Variants in TMEM117 observed in about 807,000 individuals in gnomAD.
TMEM117 encodes transmembrane protein 117.
In TMEM117, 27 loss-of-function variants were observed where a neutral mutation model predicts 52.4. The observed-to-expected ratio is 0.51, with a 90% confidence interval of 0.38 to 0.71. The LOEUF is 0.71. TMEM117 is among the 30% of genes least tolerant of loss of function. The pLI is 0.00. For missense variants in TMEM117, 556 were observed against 630.5 expected, an observed-to-expected ratio of 0.88 and a Z score of 1.26; for synonymous variants, 215 against 206.3, an observed-to-expected ratio of 1.04 and a Z score of -0.36.
At chr12:44,324,310 T>G (rs1951169585) in intron 6 of TMEM117, among the ~76,000 whole-genome samples, 1 of 152,114 alleles carries the variant, frequency 6.6e-6, no homozygotes, top group Non-Finnish European at 1.5e-5. Context: ...TTAGTAGTAC[T>G]ATTTTCACCA....
intron 4 of TMEM117, among the ~76,000 whole-genome samples, chr12:44,205,907 T>C (rs1472459650): frequency 1.3e-5 from 2 of 152,182 alleles, no homozygotes; most frequent in East Asian, 3.9e-4. Flanking sequence ...ATCCCATTAC[T>C]GGGCATATGC....
intron 4 of TMEM117, among the ~76,000 whole-genome samples, chr12:44,146,497 C>T (rs1019327169): frequency 6.6e-6 from 1 of 152,106 alleles, no homozygotes; most frequent in Non-Finnish European, 1.5e-5. Context: ...TTATATGAAA[C>T]ATTGACCTTT....
At position 43,947,321 on chromosome 12, in the gene TMEM117, C is replaced by T. The variant is rs999729590; in HGVS notation, c.410+2979C>T. On this transcript the variant is annotated intron_variant, in intron 3 of 7. Transcript: ENST00000266534. ...CTGCACTCCAGCCTGGGTGAAACAA[C>T]AAGACTCTGCCTCTAAAAAGAAAAA... Among the ~76,000 whole-genome samples, 4 of 152,018 alleles carry T rather than the reference C, an allele frequency of 2.6e-5. No individual in the cohort carries two copies. The East Asian group carries it at 5.8e-4, about 22-fold the overall frequency.
chr12:43,926,684 G>A (rs1944783437), intron 2 of TMEM117, among the ~76,000 whole-genome samples: 1 of 152,062 alleles, frequency 6.6e-6, no homozygotes, highest in South Asian at 2.1e-4. Context: ...ATATTTTTTA[G>A]TAATAGAATA....
At chr12:44,096,322 C>G (rs1947761140) in intron 3 of TMEM117, among the ~76,000 whole-genome samples, 1 of 152,068 alleles carries the variant, frequency 6.6e-6, no homozygotes, top group Non-Finnish European at 1.5e-5. Flanking sequence ...CCATCCCCAT[C>G]AAGCTACCAA....
intron 2 of TMEM117, among the ~76,000 whole-genome samples, chr12:43,936,388 C>T (rs1026357749): frequency 6.6e-6 from 1 of 151,998 alleles, no homozygotes; most frequent in Non-Finnish European, 1.5e-5. Flanking sequence ...GGGATTTTGG[C>T]TTTGTTTTTG....
intron 4 of TMEM117, among the ~76,000 whole-genome samples, chr12:44,189,552 C>T (rs766069371): frequency 6.6e-6 from 1 of 152,118 alleles, no homozygotes; most frequent in Non-Finnish European, 1.5e-5. Flanking sequence ...AAGGAGATGA[C>T]AGCATGCTAC....
At chr12:44,285,805 T>C (rs1030360878) in intron 5 of TMEM117, among the ~76,000 whole-genome samples, 1 of 152,232 alleles carries the variant, frequency 6.6e-6, no homozygotes, top group Non-Finnish European at 1.5e-5. Flanking sequence ...TTCAGTGTGC[T>C]GGTACTTAGT....
chr12:43,998,805 T>C (rs1946071617), intron 3 of TMEM117, among the ~76,000 whole-genome samples: 1 of 152,200 alleles, frequency 6.6e-6, no homozygotes, highest in African/African-American at 2.4e-5. Flanking sequence ...TAAGAGAAGA[T>C]ATTTGCAGTA....
chr12:44,202,468 C>G (rs1252235979), intron 4 of TMEM117, among the ~76,000 whole-genome samples: 1 of 152,064 alleles, frequency 6.6e-6, no homozygotes, highest in Non-Finnish European at 1.5e-5. Flanking sequence ...ATATAATGAA[C>G]CAAACTTGCA....
intron 3 of TMEM117, among the ~76,000 whole-genome samples, chr12:44,098,641 T>A (rs1049494268): frequency 7.2e-5 from 11 of 152,068 alleles, no homozygotes; most frequent in African/African-American, 2.4e-4. Context: ...CTTAGACTTC[T>A]GCCAAAGTCA....
At chr12:44,092,986 T>G (rs1947699422) in intron 3 of TMEM117, among the ~76,000 whole-genome samples, 1 of 152,282 alleles carries the variant, frequency 6.6e-6, no homozygotes, top group East Asian at 1.9e-4. Flanking sequence ...AAAAATTCCC[T>G]TGAAGCAGTG....
chr12:44,345,166 G>A (rs754411209), intron 6 of TMEM117, among the ~76,000 whole-genome samples: 1 of 152,032 alleles, frequency 6.6e-6, no homozygotes, highest in African/African-American at 2.4e-5. Flanking sequence ...ATAACATGGT[G>A]GAAAGGGGGT....
chr12:44,254,829 A>C (rs12314470), intron 5 of TMEM117, among the ~76,000 whole-genome samples: 40,883 of 151,036 alleles, frequency 0.27, 10,141 homozygotes, highest in African/African-American at 0.66. Flanking sequence ...CCACAACAGT[A>C]CCCGGAGTGT....
chr12:43,804,633 A>G, the TMEM117 span: 1 of 1,186,498 alleles, frequency 8.4e-7, no homozygotes, highest in Non-Finnish European at 1.2e-6. Flanking sequence ...TTTCCTATCT[A>G]TATTGGAAAA....
At chr12:43,880,400 T>TA (rs1457068935) in intron 2 of TMEM117, among the ~76,000 whole-genome samples, 1 of 152,184 alleles carries the variant, frequency 6.6e-6, no homozygotes, top group African/African-American at 2.4e-5. Flanking sequence ...ATTCCTTTTT[T>TA]TTTTCCTGTG....
At chr12:44,349,148 G>A (rs530400378) in intron 6 of TMEM117, among the ~76,000 whole-genome samples, 3 of 152,104 alleles carry the variant, frequency 2.0e-5, no homozygotes, top group Admixed American at 6.6e-5. Flanking sequence ...ACTATAGACT[G>A]TTATCAATGA....
At chr12:44,017,625 A>G (rs1946393430) in intron 3 of TMEM117, among the ~76,000 whole-genome samples, 1 of 152,152 alleles carries the variant, frequency 6.6e-6, no homozygotes, top group Non-Finnish European at 1.5e-5. Flanking sequence ...AAGTAAGAAC[A>G]AAATATATCC....
intron 4 of TMEM117, among the ~76,000 whole-genome samples, chr12:44,192,222 A>T (rs1249121942): frequency 6.6e-6 from 1 of 152,192 alleles, no homozygotes; most frequent in Non-Finnish European, 1.5e-5. Context: ...GGTCTTCAGC[A>T]GCTGAGCCAG....
Sources: gnomAD v4.1 joint callset for allele counts (sites outside exome capture counted in the v4.1 genomes callset) on GRCh38, gnomAD v4.1.1 for gene constraint, MANE v1.5 for transcripts, NCBI Gene and HGNC (gene_info 2026-07-23, HGNC 2026-07-21) for gene names.